The following MYO7A variants were observed in gnomAD, a reference collection of about 807,000 sequenced individuals.
MYO7A encodes myosin VIIA.
A neutral mutation model predicts 263.8 loss-of-function variants in MYO7A; 210 were observed. That is an observed-to-expected ratio of 0.80 (90% CI 0.71 to 0.89). The LOEUF (loss-of-function observed/expected upper bound fraction) is 0.89. MYO7A is among the 40% of genes least tolerant of loss of function. MYO7A has a pLI of 0.00. For missense variants in MYO7A, 2,820 were observed against 2,968.3 expected (o/e 0.95, Z 1.16); for synonymous variants, 1,239 against 1,197.3 (o/e 1.03, Z -0.72).
At position 77,214,702 on chromosome 11, in the gene MYO7A, C is replaced by G. The variant is rs750842894; in HGVS notation, c.*6C>G. On this transcript the variant is annotated 3_prime_UTR_variant, in exon 49 of 49. Coordinates refer to ENST00000409709, the MANE Select transcript of MYO7A (RefSeq NM_000260.4). ...GCTCCAGGAGCGGCAAGTGAACAGTCACGGGGAGGTGCTGGTTCCATGCCT... is the reference window on the plus strand; with the variant it reads ...GCTCCAGGAGCGGCAAGTGAACAGTGACGGGGAGGTGCTGGTTCCATGCCT... 1.3e-6 allele frequency: 2 copies of G among 1,564,102 alleles called. No individual in the cohort carries two copies. The highest frequency in any genetic ancestry group is 1.7e-6 in the Non-Finnish European group (2 of 1,152,284).
In MYO7A at chr11:77,175,260, G is replaced by C. The variant is rs2276284; in HGVS notation, c.2095-112G>C. On this transcript the variant is annotated intron_variant, in intron 17 of 48. Coordinates refer to ENST00000409709, the MANE Select transcript of MYO7A (RefSeq NM_000260.4). Reference sequence around the variant, plus strand: ...CAGGACCCAGCTGAGGTCACACTTCGAGTCAGGGGCAGAGCTCGGGAAGAG... The same window carrying C: ...CAGGACCCAGCTGAGGTCACACTTCCAGTCAGGGGCAGAGCTCGGGAAGAG... 70,593 of 984,782 alleles carry C rather than the reference G, an allele frequency of 0.072. 3,172 individuals carry two copies. Among genetic ancestry groups the C allele is most frequent in the East Asian group, 0.16 (6,593 of 41,248 alleles). 61.0% of individuals were successfully genotyped at this position (984,782 alleles called of 1,614,324 possible).
chr11:77,161,155 A>G, intron 12 of MYO7A, 40 bp downstream of exon 12: 1 of 1,609,788 alleles, frequency 6.2e-7, no homozygotes, highest in Non-Finnish European at 8.5e-7. Context: ...TTCCTTCCCC[A>G]ATATGGAAAT....
intron 24 of MYO7A, 96 bp from the exon 25 acceptor site, chr11:77,182,326 AGG>A: frequency 1.4e-6 from 2 of 1,451,954 alleles, no homozygotes; most frequent in Admixed American, 2.2e-5. Flanking sequence ...ACCATGCGGG[AGG>A]GGGTGTCTCC....
Position 77,181,438 on chromosome 11 carries a change from C to A in MYO7A, c.2753C>A (p.Ala918Asp). ...DAERELKEKE[A>D]ARRKKELLEQ... ...GAGCGGGAGCTGAAGGAGAAGGAGG[C>A]CGCTCGGCGGAAGAAGGAGCTCCTG... is the stretch of plus-strand genomic sequence containing the variant. Residue 918 changes from alanine (A) to aspartate (D), a missense_variant, in exon 23 of 49, where the codon GCC (alanine) becomes GAC (aspartate). By Grantham distance (126) the Ala-to-Asp change is moderately radical. Transcript: ENST00000409709. The A allele has an allele frequency of 6.3e-7, 1 of 1,599,854 alleles. No individual in the cohort carries two copies. The highest frequency in any genetic ancestry group is 8.5e-7 in the Non-Finnish European group (1 of 1,173,744).
chr11:77,146,206 G>A (rs561288128), intron 3 of MYO7A, among the ~76,000 whole-genome samples: 3 of 152,358 alleles, frequency 2.0e-5, no homozygotes, highest in South Asian at 4.1e-4. Flanking sequence ...TTGGGGACAT[G>A]AAACCCGTGT....
chr11:77,135,701 G>A (rs1555047174), intron 2 of MYO7A, among the ~76,000 whole-genome samples: 1 of 151,736 alleles, frequency 6.6e-6, no homozygotes, highest in African/African-American at 2.4e-5. Context: ...GTGCATAAGG[G>A]TTCCATTTTC....
At chr11:77,184,907 G>T (rs1955550538) in intron 27 of MYO7A, 192 bp downstream of exon 27, 8 of 992,574 alleles carry the variant, frequency 8.1e-6, no homozygotes, top group South Asian at 4.1e-5. Flanking sequence ...TGTAAAGGGG[G>T]AATCCTAAAA....
rs1555077355 is a variant in MYO7A at position 77,172,892 on chromosome 11, G to T, written c.1935+7G>T. 2 of 1,545,432 alleles carry T rather than the reference G, an allele frequency of 1.3e-6. No homozygotes were observed. The highest frequency in any genetic ancestry group is 1.8e-6 in the Non-Finnish European group (2 of 1,141,710). ...TGAGTTCAAGAAGCCCATGGTGAGT[G>T]GCCCTGGCCTGGGGTTGGCGGGTGG... On this transcript the variant is annotated splice_region_variant and intron_variant, in intron 16 of 48. Coordinates refer to ENST00000409709, the MANE Select transcript of MYO7A (RefSeq NM_000260.4).
Position 77,215,136 on chromosome 11 carries a change from G to A in MYO7A, c.*440G>A, listed in dbSNP as rs779826272. On this transcript the variant is annotated 3_prime_UTR_variant, in exon 49 of 49. Coordinates refer to ENST00000409709, the MANE Select transcript of MYO7A (RefSeq NM_000260.4). ...CCGAAGGGACTGGATCTGCAGGTGG[G>A]ATGAGGGAGACAGACCACTTTTCTA... The A allele has an allele frequency of 1.1e-5, 2 of 174,334 alleles. No individual in the cohort carries two copies. Among genetic ancestry groups the A allele is most frequent in the Non-Finnish European group, 2.4e-5 (2 of 82,018 alleles). 10.8% of individuals were successfully genotyped at this position (174,334 alleles called of 1,614,324 possible). A position where few individuals can be genotyped will look rare whatever the true frequency, so the allele number is the denominator to read the frequency against.
At chr11:77,157,413 TGGGTAGG>T (rs782463906) in intron 8 of MYO7A, 21 bp downstream of exon 8, 11 of 1,551,634 alleles carry the variant, frequency 7.1e-6, no homozygotes, top group Non-Finnish European at 9.7e-6. Context: ...GGTGGGCCCC[TGGGTAGG>T]GGGGCACCCA....
intron 10 of MYO7A, among the ~76,000 whole-genome samples, chr11:77,159,952 G>A (rs1432502545): frequency 5.9e-5 from 9 of 152,246 alleles, no homozygotes; most frequent in Non-Finnish European, 1.2e-4. Flanking sequence ...AGGGAGTTAA[G>A]CGGGGCTGTC....
At chr11:77,189,491 C>G in intron 28 of MYO7A, 21 bp downstream of exon 28, 9 of 1,613,460 alleles carry the variant, frequency 5.6e-6, no homozygotes, top group Non-Finnish European at 6.8e-6. Context: ...GCCTGGCCTC[C>G]TGGAGTGGGA....
At chr11:77,191,000 T>TAA in intron 30 of MYO7A, 130 bp downstream of exon 30, 1 of 1,082,988 alleles carries the variant, frequency 9.2e-7, no homozygotes, top group East Asian at 2.6e-5. Context: ...GAGCCTGTGC[T>TAA]AATTGGCTCT....
chr11:77,179,465 A>G (rs1026340001), intron 20 of MYO7A, among the ~76,000 whole-genome samples: 1 of 152,210 alleles, frequency 6.6e-6, no homozygotes, highest in Non-Finnish European at 1.5e-5. Context: ...TTGGGGCTGG[A>G]TGGGAAGCAG....
intron 22 of MYO7A, 81 bp from the exon 23 acceptor site, chr11:77,181,299 G>T (rs1197317238): frequency 9.1e-6 from 12 of 1,312,016 alleles, no homozygotes; most frequent in Non-Finnish European, 9.2e-6. Context: ...TGCTGCAGGG[G>T]CTCCCCAGGG....
At chr11:77,145,859 T>G (rs1337114198) in intron 3 of MYO7A, among the ~76,000 whole-genome samples, 1 of 152,120 alleles carries the variant, frequency 6.6e-6, no homozygotes, top group Non-Finnish European at 1.5e-5. Context: ...CCTCCGAGCC[T>G]GTTTTCTCAT....
chr11:77,192,000 C>A, intron 30 of MYO7A, 51 bp from the exon 31 acceptor site: 1 of 1,534,222 alleles, frequency 6.5e-7, no homozygotes, highest in East Asian at 2.3e-5. Context: ...TGAGGCTCCT[C>A]ATAGTCCTTC....
In MYO7A at chr11:77,129,523, G is replaced by A. The variant is rs782765404; in HGVS notation, c.-47+1034G>A. Among the ~76,000 whole-genome samples the A allele has an allele frequency of 7.2e-5, 11 of 152,278 alleles. No individual in the cohort carries two copies. In the East Asian group the frequency reaches 9.6e-4, roughly 13 times the overall value. ...GCCTTTTAAGCTCCTTCCTGAGGCCGTCTCTGGGTCTGGCCCTGTGCTGGA... is the reference window on the plus strand; with the variant it reads ...GCCTTTTAAGCTCCTTCCTGAGGCCATCTCTGGGTCTGGCCCTGTGCTGGA... On this transcript the variant is annotated intron_variant, in intron 1 of 48. Transcript: ENST00000409709.
chr11:77,190,556 G>A (rs1008480452), intron 29 of MYO7A, 141 bp from the exon 30 acceptor site: 43 of 599,960 alleles, frequency 7.2e-5, no homozygotes, highest in Non-Finnish European at 1.1e-4. Context: ...CTGTGACAGG[G>A]ACAAGCAGTG....
Sources: gnomAD v4.1 joint callset for allele counts (sites outside exome capture counted in the v4.1 genomes callset) on GRCh38, gnomAD v4.1.1 for gene constraint, MANE v1.5 for transcripts, NCBI Gene and HGNC (gene_info 2026-07-23, HGNC 2026-07-21) for gene names.